The following MAP2K6 variants were observed in gnomAD, a reference collection of about 807,000 sequenced individuals.
MAP2K6 encodes mitogen-activated protein kinase kinase 6, also known as dual specificity mitogen-activated protein kinase kinase 6.
MAP2K6 carries 16 observed loss-of-function variants against 53.7 expected under a neutral mutation model. The observed-to-expected ratio is 0.30, with a 90% CI of 0.20 to 0.45. The LOEUF (loss-of-function observed/expected upper bound fraction) is 0.45, where lower values mean the gene tolerates loss of function less well. MAP2K6 is among the 20% of genes least tolerant of loss of function. The probability of loss-of-function intolerance (pLI) is 1.00; values close to 1 mark genes in which losing one functional copy is unlikely to be tolerated. For missense variants in MAP2K6, 204 were observed against 411.9 expected (o/e 0.50, Z 4.37); for synonymous variants, 132 against 143.1 (o/e 0.92, Z 0.55).
intron 11 of MAP2K6, among the ~76,000 whole-genome samples, chr17:69,538,169 C>T (rs1461248583): frequency 6.6e-6 from 1 of 152,146 alleles, no homozygotes; most frequent in East Asian, 1.9e-4. Context: ...TACTCCTATT[C>T]TAAAGTTGCC....
chr17:69,512,617 G>A (rs1053031122), intron 2 of MAP2K6, among the ~76,000 whole-genome samples: 1 of 152,072 alleles, frequency 6.6e-6, no homozygotes, highest in Non-Finnish European at 1.5e-5. Flanking sequence ...GATTACAGGC[G>A]TGAGCCACTG....
chr17:69,470,299 A>AT (rs1907945145), intron 1 of MAP2K6, among the ~76,000 whole-genome samples: 1 of 152,182 alleles, frequency 6.6e-6, no homozygotes, highest in Non-Finnish European at 1.5e-5. Context: ...GAACTGAAGC[A>AT]TTTTTTTAGG....
chr17:69,473,557 T>C (rs999372099), intron 1 of MAP2K6, among the ~76,000 whole-genome samples: 1 of 152,170 alleles, frequency 6.6e-6, no homozygotes, highest in African/African-American at 2.4e-5. Flanking sequence ...ATATTTTCTT[T>C]TTGAACTCAG....
intron 1 of MAP2K6, among the ~76,000 whole-genome samples, chr17:69,449,545 C>A (rs1376413702): frequency 7.6e-4 from 80 of 105,648 alleles, no homozygotes; most frequent in Middle Eastern, 4.6e-3. Flanking sequence ...TTCTTTCTTT[C>A]TTTCTTTCTT....
At chr17:69,504,430 C>G (rs1368377262) in intron 1 of MAP2K6, 1 of 152,304 alleles carries the variant, frequency 6.6e-6, no homozygotes, top group South Asian at 2.1e-4. Context: ...TGCCTGCCAC[C>G]ATGCCCGGCT....
At chr17:69,498,685 C>T (rs866374665) in intron 1 of MAP2K6, among the ~76,000 whole-genome samples, 22 of 151,322 alleles carry the variant, frequency 1.5e-4, no homozygotes, top group South Asian at 1.0e-3. Flanking sequence ...CACACACACA[C>T]GTGCACGCAG....
In MAP2K6 at chr17:69,500,447, C is replaced by CAAAAAAAA. The variant is rs58712110; in HGVS notation, c.17-5313_17-5306dup. Among the ~76,000 whole-genome samples, 5 of 57,630 alleles carry CAAAAAAAA rather than the reference C, an allele frequency of 8.7e-5. 1 individual carries two copies. Among genetic ancestry groups the CAAAAAAAA allele is most frequent in the African/African-American group, 1.5e-4 (2 of 13,118 alleles). The allele number at this position is 57,630 out of a possible 152,430, so 37.8% of individuals were successfully genotyped here. The stretch of plus-strand genomic sequence containing the variant: ...TGGGTGACAAAGTGAGACTCTGTCT[C>CAAAAAAAA]AAAAAAAAAAAAAAAAAAAAAAAAA... On this transcript the variant is annotated intron_variant, in intron 1 of 11. Coordinates refer to ENST00000590474, the MANE Select transcript of MAP2K6 (RefSeq NM_002758.4).
chr17:69,468,161 G>A (rs532239536), intron 1 of MAP2K6, among the ~76,000 whole-genome samples: 1 of 152,306 alleles, frequency 6.6e-6, no homozygotes, highest in South Asian at 2.1e-4. Context: ...CTGTGATAGT[G>A]TTCTCAGTTG....
chr17:69,488,463 A>C (rs2145199644), intron 1 of MAP2K6, among the ~76,000 whole-genome samples: 1 of 152,356 alleles, frequency 6.6e-6, no homozygotes, highest in Non-Finnish European at 1.5e-5. Flanking sequence ...AAAAAGACAC[A>C]TGCCCACATA....
chr17:69,526,519 C>T (rs1017084946), intron 9 of MAP2K6, 51 bp from the exon 10 acceptor site: 3 of 1,591,866 alleles, frequency 1.9e-6, no homozygotes, highest in Non-Finnish European at 2.6e-6. Flanking sequence ...GGGTGATTCC[C>T]TAAAGCAGCC....
intron 1 of MAP2K6, among the ~76,000 whole-genome samples, chr17:69,429,162 G>C (rs933698615): frequency 6.6e-6 from 1 of 151,926 alleles, no homozygotes; most frequent in Non-Finnish European, 1.5e-5. Context: ...AGTGGGCTGG[G>C]CTGGTGGCTC....
At chr17:69,489,320 C>T (rs954110676) in intron 1 of MAP2K6, among the ~76,000 whole-genome samples, 2 of 151,942 alleles carry the variant, frequency 1.3e-5, no homozygotes, top group Non-Finnish European at 2.9e-5. Flanking sequence ...CATATTTACT[C>T]TAATACGTTT....
chr17:69,514,972 T>C (rs1910064496), intron 2 of MAP2K6, among the ~76,000 whole-genome samples: 1 of 152,164 alleles, frequency 6.6e-6, no homozygotes, highest in Admixed American at 6.5e-5. Flanking sequence ...TTCTTTTCTC[T>C]CTCACTTTCA....
At chr17:69,448,325 T>TA (rs1369277922) in intron 1 of MAP2K6, among the ~76,000 whole-genome samples, 7 of 151,086 alleles carry the variant, frequency 4.6e-5, no homozygotes, top group South Asian at 2.1e-4. Flanking sequence ...GGACTCTTTC[T>TA]AAAAAATCAC....
At chr17:69,520,051 A>C (rs540390770) in intron 5 of MAP2K6, 58 of 516,942 alleles carry the variant, frequency 1.1e-4, no homozygotes, top group African/African-American at 1.1e-3. Flanking sequence ...AGGAGAGCAC[A>C]TGCAGGTTCT....
intron 1 of MAP2K6, among the ~76,000 whole-genome samples, chr17:69,455,751 A>C (rs574130794): frequency 2.6e-4 from 40 of 152,072 alleles, no homozygotes; most frequent in African/African-American, 9.6e-4. Context: ...AAATGCAAAA[A>C]TCATTTTTTG....
intron 2 of MAP2K6, among the ~76,000 whole-genome samples, chr17:69,514,950 A>T (rs1910062914): frequency 6.6e-6 from 1 of 152,162 alleles, no homozygotes; most frequent in Admixed American, 6.5e-5. Flanking sequence ...AAAAATCCTC[A>T]TTGGCAAAGG....
At chr17:69,428,959 C>CACAT (rs1491258722) in intron 1 of MAP2K6, among the ~76,000 whole-genome samples, 1 of 149,706 alleles carries the variant, frequency 6.7e-6, no homozygotes, top group African/African-American at 2.5e-5. Flanking sequence ...CACACACACA[C>CACAT]GTTGTTGTAT....
intron 1 of MAP2K6, among the ~76,000 whole-genome samples, chr17:69,424,471 T>C (rs912593334): frequency 2.0e-5 from 3 of 152,234 alleles, no homozygotes; most frequent in Admixed American, 6.5e-5. Flanking sequence ...AGTGAGGTGA[T>C]ATCCCATTTT....
Sources: gnomAD v4.1 joint callset for allele counts (sites outside exome capture counted in the v4.1 genomes callset) on GRCh38, gnomAD v4.1.1 for gene constraint, MANE v1.5 for transcripts, NCBI Gene and HGNC (gene_info 2026-07-23, HGNC 2026-07-21) for gene names.